Variants in SPATA6 observed in about 807,000 individuals in gnomAD.
The protein encoded by SPATA6 is spermatogenesis associated 6.
SPATA6 carries 56 observed loss-of-function variants against 65.3 expected under a neutral mutation model. That is an observed-to-expected ratio of 0.86 (90% CI 0.69 to 1.07). The LOEUF is 1.07. Among genes scored for constraint, SPATA6 ranks in the 50% least tolerant of loss-of-function variants. The pLI, the probability that SPATA6 is intolerant of heterozygous loss-of-function variation, is 0.00. For synonymous variants in SPATA6, 199 were observed against 213.2 expected, an observed-to-expected ratio of 0.93 and a Z score of 0.58; for missense variants, 590 against 594.8, an observed-to-expected ratio of 0.99 and a Z score of 0.08.
At chr1:48,295,201 C>T (rs1644793977), downstream of SPATA6, among the ~76,000 whole-genome samples, 1 of 152,032 alleles carries the variant, frequency 6.6e-6, no homozygotes, top group Non-Finnish European at 1.5e-5. Flanking sequence ...AAATGTTGAA[C>T]ATAGTTTCCA....
At chr1:48,332,976 A>G (rs72891588) in intron 11 of SPATA6, among the ~76,000 whole-genome samples, 3,751 of 152,304 alleles carry the variant, frequency 0.025, 99 homozygotes, top group African/African-American at 0.067. Context: ...AGAATAACTC[A>G]GGTTAATTAT....
intron 3 of SPATA6, among the ~76,000 whole-genome samples, chr1:48,450,422 A>C (rs1176567946): frequency 6.6e-6 from 1 of 152,158 alleles, no homozygotes; most frequent in East Asian, 1.9e-4. Context: ...TTATAGCCTC[A>C]AAATTTCAAA....
intron 3 of SPATA6, chr1:48,436,879 C>T: frequency 2.5e-6 from 4 of 1,612,952 alleles, no homozygotes; most frequent in African/African-American, 1.3e-5. Context: ...GAAAAATTCC[C>T]GGTCAGGTGT....
chr1:48,292,674 G>A (rs565174262), downstream of SPATA6, among the ~76,000 whole-genome samples: 1 of 152,364 alleles, frequency 6.6e-6, no homozygotes, highest in Admixed American at 6.5e-5. Context: ...CCAATAGCAG[G>A]CATATGTACA....
intron 11 of SPATA6, among the ~76,000 whole-genome samples, chr1:48,349,056 A>G (rs1646446694): frequency 1.3e-5 from 2 of 152,010 alleles, no homozygotes; most frequent in Non-Finnish European, 1.5e-5. Context: ...CTATTTTACT[A>G]TAAGAGCTAA....
At chr1:48,310,426 C>G (rs1270368933) in intron 11 of SPATA6, among the ~76,000 whole-genome samples, 2 of 152,212 alleles carry the variant, frequency 1.3e-5, no homozygotes, top group African/African-American at 4.8e-5. Context: ...GGAGATGGGA[C>G]TCGGTCAAGT....
the SPATA6 span, among the ~76,000 whole-genome samples, chr1:48,269,777 TA>T: frequency 6.6e-6 from 1 of 151,242 alleles, no homozygotes; most frequent in Non-Finnish European, 1.5e-5. Flanking sequence ...ATAACAAACA[TA>T]AATAAATCAT....
chr1:48,276,580 G>A, the SPATA6 span, among the ~76,000 whole-genome samples: 11 of 152,008 alleles, frequency 7.2e-5, no homozygotes, highest in South Asian at 2.1e-4. Context: ...CTGCCGTTAC[G>A]TCCTTATTTA....
At chr1:48,411,245 C>G (rs1652197446) in intron 5 of SPATA6, among the ~76,000 whole-genome samples, 1 of 152,114 alleles carries the variant, frequency 6.6e-6, no homozygotes, top group African/African-American at 2.4e-5. Context: ...AACCAATTTA[C>G]TGTATTAGTC....
intron 9 of SPATA6, among the ~76,000 whole-genome samples, chr1:48,371,152 C>G (rs1422303114): frequency 1.3e-5 from 2 of 151,954 alleles, no homozygotes; most frequent in Non-Finnish European, 2.9e-5. Context: ...TCAAATAATA[C>G]AAGGATGGAT....
At chr1:48,429,222 T>C (rs1179050341) in intron 3 of SPATA6, among the ~76,000 whole-genome samples, 3 of 152,090 alleles carry the variant, frequency 2.0e-5, no homozygotes, top group Non-Finnish European at 2.9e-5. Flanking sequence ...CTTATGGCCA[T>C]GTTGTTGCAC....
intron 11 of SPATA6, among the ~76,000 whole-genome samples, chr1:48,353,537 A>G (rs1051151001): frequency 1.3e-5 from 2 of 151,914 alleles, no homozygotes; most frequent in Admixed American, 1.3e-4. Context: ...CTAGACAAAA[A>G]AAGCTGCTGT....
chr1:48,413,446 C>T (rs909468447), intron 3 of SPATA6, among the ~76,000 whole-genome samples: 5 of 147,834 alleles, frequency 3.4e-5, no homozygotes, highest in Non-Finnish European at 7.4e-5. Flanking sequence ...TGCGCCACCA[C>T]GCCCGGATAC....
chr1:48,381,173 T>C (rs943396496), intron 9 of SPATA6, among the ~76,000 whole-genome samples: 2 of 152,176 alleles, frequency 1.3e-5, no homozygotes, highest in African/African-American at 4.8e-5. Context: ...TGTGGCCCAG[T>C]TCCTAACAGG....
intron 3 of SPATA6, among the ~76,000 whole-genome samples, chr1:48,443,632 G>A (rs972135815): frequency 6.6e-5 from 10 of 152,220 alleles, no homozygotes; most frequent in African/African-American, 2.4e-4. Context: ...CTTAGGGGAA[G>A]AGTGCTGCTT....
intron 11 of SPATA6, among the ~76,000 whole-genome samples, chr1:48,347,844 G>A (rs1646412903): frequency 6.6e-6 from 1 of 151,912 alleles, no homozygotes; most frequent in African/African-American, 2.4e-5. Flanking sequence ...GACTCAATTA[G>A]TCCTGCAACC....
At chr1:48,434,678 T>A (rs1319876697) in intron 3 of SPATA6, among the ~76,000 whole-genome samples, 2 of 152,044 alleles carry the variant, frequency 1.3e-5, no homozygotes, top group Non-Finnish European at 2.9e-5. Flanking sequence ...TGAGAGAACA[T>A]CTGTGGTGCA....
At chr1:48,407,146 G>GT (rs1218867649) in intron 5 of SPATA6, among the ~76,000 whole-genome samples, 1 of 152,130 alleles carries the variant, frequency 6.6e-6, no homozygotes, top group Non-Finnish European at 1.5e-5. Flanking sequence ...ATATGCATAG[G>GT]TAAGTGGTCA....
rs1407419368 is a variant in SPATA6 at position 48,404,694 on chromosome 1, G to T, written c.406-812C>A. 1.3e-5 allele frequency among the ~76,000 whole-genome samples: 2 copies of T among 152,104 alleles called. 1 individual carries two copies. Among genetic ancestry groups the T allele is most frequent in the Admixed American group, 1.3e-4 (2 of 15,262 alleles). On this transcript the variant is annotated intron_variant, in intron 5 of 12. Coordinates refer to ENST00000371847, the MANE Select transcript of SPATA6 (RefSeq NM_019073.4). ...AACAAAAAACCCAGTTCCTCGGCAT[G>T]TAGTTCTTGAAAACAGAAAAGATAA...
Sources: allele counts gnomAD v4.1 joint callset (sites outside exome capture counted in the v4.1 genomes callset), GRCh38; gene constraint gnomAD v4.1.1; transcripts MANE v1.5; gene names NCBI Gene and HGNC (gene_info 2026-07-23, HGNC 2026-07-21).